The following BCAS3 variants were observed in gnomAD, a reference collection of about 807,000 sequenced individuals.
BCAS3 encodes BCAS3 microtubule associated cell migration factor, also known as BCAS4/BCAS3 fusion.
BCAS3 carries 53 observed loss-of-function variants against 116.1 expected under a neutral mutation model. The ratio of observed to expected loss-of-function variants is 0.46; its 90% CI spans 0.37 to 0.57. BCAS3 has a LOEUF of 0.57. Among genes scored for constraint, BCAS3 ranks in the 20% least tolerant of loss-of-function variants. The pLI is 0.00. For missense variants in BCAS3, 917 were observed against 1,165.4 expected, an observed-to-expected ratio of 0.79 and a Z score of 3.10; for synonymous variants, 391 against 408.2, an observed-to-expected ratio of 0.96 and a Z score of 0.51.
intron 5 of BCAS3, chr17:60,727,204 T>C: frequency 2.2e-6 from 2 of 925,018 alleles, no homozygotes; most frequent in Non-Finnish European, 1.8e-6. Flanking sequence ...TCTTATCTCC[T>C]CCCGGTTCAA....
intron 15 of BCAS3, among the ~76,000 whole-genome samples, chr17:60,998,266 A>T (rs1177211909): frequency 6.6e-6 from 1 of 152,202 alleles, no homozygotes; most frequent in Non-Finnish European, 1.5e-5. Context: ...ACTTTGGTTG[A>T]TTGCATGTCT....
chr17:61,250,754 A>C (rs1256593108), intron 22 of BCAS3, among the ~76,000 whole-genome samples: 1 of 152,200 alleles, frequency 6.6e-6, no homozygotes, highest in Non-Finnish European at 1.5e-5. Flanking sequence ...GGATACTTGT[A>C]GACTGAGACC....
chr17:60,833,694 A>G (rs6504000), intron 7 of BCAS3, among the ~76,000 whole-genome samples: 47,275 of 152,158 alleles, frequency 0.31, 12,416 homozygotes, highest in African/African-American at 0.72. Context: ...ACATATGTTT[A>G]CAAAAACTTT....
chr17:61,268,204 C>T (rs758716293), intron 22 of BCAS3, among the ~76,000 whole-genome samples: 3 of 152,120 alleles, frequency 2.0e-5, no homozygotes, highest in Non-Finnish European at 4.4e-5. Context: ...GATTGCTTGA[C>T]TACTCAGACT....
At chr17:60,686,159 C>T (rs974446391) in intron 3 of BCAS3, among the ~76,000 whole-genome samples, 6 of 152,156 alleles carry the variant, frequency 3.9e-5, no homozygotes, top group East Asian at 1.9e-4. Flanking sequence ...TGAGCCACCG[C>T]ACCCGGCCTA....
chr17:60,763,598 C>G (rs1401022456), intron 6 of BCAS3, among the ~76,000 whole-genome samples: 3 of 152,092 alleles, frequency 2.0e-5, no homozygotes, highest in Non-Finnish European at 2.9e-5. Flanking sequence ...TTCAGTTTGC[C>G]AGTATTTTAT....
chr17:60,850,605 T>A (rs1454473401), intron 7 of BCAS3, among the ~76,000 whole-genome samples: 1 of 152,024 alleles, frequency 6.6e-6, no homozygotes, highest in African/African-American at 2.4e-5. Context: ...GTAATCTGCC[T>A]GCCTCGGCTT....
At position 61,126,054 on chromosome 17, in the gene BCAS3, T is replaced by G. The variant is rs756318152; in HGVS notation, c.2425+41490T>G. 3.3e-5 allele frequency among the ~76,000 whole-genome samples: 5 copies of G among 152,178 alleles called. No homozygotes were observed. The highest frequency in any genetic ancestry group is 1.3e-4 in the Admixed American group (2 of 15,272). On this transcript the variant is annotated intron_variant, in intron 22 of 23. Coordinates refer to ENST00000407086, the MANE Select transcript of BCAS3 (RefSeq NM_017679.5). The surrounding 1 kb of genome is among the most constrained non-coding windows in gnomAD (Gnocchi z 4.6). ...ATTGGGAATTCTGAGTAATGTGAAA[T>G]GTATGTGAATTGGAAGCAGTAATAA...
intron 14 of BCAS3, among the ~76,000 whole-genome samples, chr17:60,966,247 G>A (rs2061654021): frequency 6.6e-6 from 1 of 152,202 alleles, no homozygotes; most frequent in South Asian, 2.1e-4. Context: ...CTTGAAGGCA[G>A]CATGTAACTT....
Position 61,041,279 on chromosome 17 carries a change from G to GCAAC in BCAS3, c.2029+388_2029+391dup, listed in dbSNP as rs2067487481. 6.6e-6 allele frequency among the ~76,000 whole-genome samples: 1 copy of GCAAC among 151,064 alleles called. No homozygotes were observed. The highest frequency in any genetic ancestry group is 2.1e-4 in the South Asian group (1 of 4,808). On this transcript the variant is annotated intron_variant, in intron 19 of 23. Transcript: ENST00000407086. This position sits in a 1 kb window ranked among gnomAD's most constrained non-coding sequence, Gnocchi z 4.7. ...CCCAAAACTTAGCACAGTTAAAAGTGCAACTATGAAAACAATGCCAGCAGG... is the reference window on the plus strand; with the variant it reads ...CCCAAAACTTAGCACAGTTAAAAGTGCAACCAACTATGAAAACAATGCCAGCAGG...
chr17:60,695,925 C>T (rs539780762), intron 4 of BCAS3, among the ~76,000 whole-genome samples: 243 of 152,240 alleles, frequency 1.6e-3, no homozygotes, highest in Non-Finnish European at 3.0e-3. Context: ...ATAATCTACT[C>T]ATGGATCTGG....
At chr17:61,157,423 T>C (rs754839713) in intron 22 of BCAS3, 1 of 152,204 alleles carries the variant, frequency 6.6e-6, no homozygotes, top group South Asian at 2.1e-4. Context: ...AGGAGTGCTA[T>C]CTGTGGAAGA....
At chr17:60,950,611 A>AT (rs1438244279) in intron 14 of BCAS3, among the ~76,000 whole-genome samples, 1 of 152,152 alleles carries the variant, frequency 6.6e-6, no homozygotes, top group Non-Finnish European at 1.5e-5. Context: ...CTTGTAACTA[A>AT]TTTTTTAAAA....
chr17:61,277,475 A>G (rs375393305), intron 22 of BCAS3, among the ~76,000 whole-genome samples: 1 of 152,264 alleles, frequency 6.6e-6, no homozygotes, highest in South Asian at 2.1e-4. Context: ...AGTACAAACA[A>G]GAGAAAAATA....
intron 22 of BCAS3, among the ~76,000 whole-genome samples, chr17:61,206,742 C>T (rs1051402891): frequency 1.5e-5 from 2 of 135,270 alleles, no homozygotes; most frequent in East Asian, 4.5e-4. Context: ...CAGAGGTTGA[C>T]GTGAGCCAAG....
intron 19 of BCAS3, among the ~76,000 whole-genome samples, chr17:61,062,935 G>A (rs567617929): frequency 1.1e-4 from 16 of 152,188 alleles, no homozygotes; most frequent in Admixed American, 1.0e-3. Flanking sequence ...AACTGCCCTT[G>A]TTTGCTGGGA....
chr17:61,212,177 T>G (rs1369124060), intron 22 of BCAS3, among the ~76,000 whole-genome samples: 1 of 152,232 alleles, frequency 6.6e-6, no homozygotes, highest in Non-Finnish European at 1.5e-5. Context: ...AGCATACCTA[T>G]GAAAAGATCT....
In BCAS3 at chr17:61,060,844, A is replaced by G. The variant is rs535371466; in HGVS notation, c.2030-14076A>G. Among the ~76,000 whole-genome samples, 4 of 152,296 alleles carry G rather than the reference A, an allele frequency of 2.6e-5. No individual in the cohort carries two copies. In the East Asian group the frequency reaches 7.7e-4, roughly 29 times the overall value. ...ATACATCTGATTATAAAGACTTTTT[A>G]AAGATCACAACTCCCCACCATTACG... On this transcript the variant is annotated intron_variant, in intron 19 of 23. Transcript: ENST00000407086.
Position 61,347,958 on chromosome 17 carries a change from G to C in BCAS3, c.2426-20369G>C, listed in dbSNP as rs575690461. ...GATAGACAGTTGTGCTAAGAAGATT[G>C]GGCTTAATCCTGAGGGCAGATGAGT... On this transcript the variant is annotated intron_variant, in intron 22 of 23. Transcript: ENST00000407086. The surrounding 1 kb of genome is among the most constrained non-coding windows in gnomAD (Gnocchi z 4.3). Among the ~76,000 whole-genome samples, 38 of 152,282 alleles carry C rather than the reference G, an allele frequency of 2.5e-4. No individual in the cohort carries two copies. Among genetic ancestry groups the C allele is most frequent in the African/African-American group, 9.1e-4 (38 of 41,542 alleles).
Sources: gnomAD v4.1 joint callset for allele counts (sites outside exome capture counted in the v4.1 genomes callset) on GRCh38, gnomAD v4.1.1 for gene constraint, Gnocchi (gnomAD v3.1) non-coding constraint, MANE v1.5 for transcripts, NCBI Gene and HGNC (gene_info 2026-07-23, HGNC 2026-07-21) for gene names.